IGSF3: variants seen among roughly 807,000 people sequenced by gnomAD.
IGSF3 encodes the protein glu-Trp-Ile EWI motif-containing protein 3.
A neutral mutation model predicts 114.4 loss-of-function variants in IGSF3; 23 were observed. The ratio of observed to expected loss-of-function variants is 0.20; its 90% confidence interval spans 0.14 to 0.28. The LOEUF is 0.28. Among genes scored for constraint, IGSF3 ranks in the 10% least tolerant of loss-of-function variants. IGSF3 has a pLI of 1.00. For synonymous variants in IGSF3, 571 were observed against 645.2 expected (o/e 0.88, Z 1.74); for missense variants, 1,172 against 1,591.5 (o/e 0.74, Z 4.48).
rs1337005156 is a variant in IGSF3 at position 116,644,804 on chromosome 1, A to G, written c.43+21480T>C. ...AAATTCCTGTGAAAAGGACAGGCTC[A>G]GGGCATGTGAATGTGATAGTCAGCA... On this transcript the variant is annotated intron_variant, in intron 2 of 10. Transcript: ENST00000369486. The surrounding 1 kb of genome is among the most constrained non-coding windows in gnomAD (Gnocchi z 5.6). Among the ~76,000 whole-genome samples the G allele has an allele frequency of 2.0e-5, 3 of 152,246 alleles. No homozygotes were observed. Among genetic ancestry groups the G allele is most frequent in the Non-Finnish European group, 4.4e-5 (3 of 68,052 alleles).
At chr1:116,658,580 G>C (rs765394534) in intron 2 of IGSF3, among the ~76,000 whole-genome samples, 1 of 152,026 alleles carries the variant, frequency 6.6e-6, no homozygotes, top group African/African-American at 2.4e-5. Context: ...ACACCCTTAG[G>C]GTTCCCATCC....
rs1647319424 is a variant in IGSF3, at chr1:116,627,035, A to C, written c.44-10578T>G. Among the ~76,000 whole-genome samples, 2 of 152,224 alleles carry C rather than the reference A, an allele frequency of 1.3e-5. No homozygotes were observed. The highest frequency in any genetic ancestry group is 2.9e-5 in the Non-Finnish European group (2 of 68,028). On this transcript the variant is annotated intron_variant, in intron 2 of 10. Transcript: ENST00000369486. The surrounding 1 kb of genome is among the most constrained non-coding windows in gnomAD (Gnocchi z 4.7). ...TAGAGGGGAAAAAAATTAAAAGGCA[A>C]GATCAGATTACTTGCCTGTAAATGT...
Position 116,606,604 on chromosome 1 carries a change from G to A in IGSF3, c.1222+1338C>T, listed in dbSNP as rs1301148657. ...ATCATCAAACAAGTTCTCAGAAGGG[G>A]TTGGGGGAAATCTTAGTACAAAAAA... On this transcript the variant is annotated intron_variant, in intron 5 of 10. Coordinates refer to ENST00000369486, the MANE Select transcript of IGSF3 (RefSeq NM_001007237.3). 2.7e-5 allele frequency: 20 copies of A among 751,688 alleles called. 2 individuals carry two copies. The highest frequency in any genetic ancestry group is 3.2e-5 in the Non-Finnish European group (13 of 407,622). 46.6% of individuals were successfully genotyped at this position (751,688 alleles called of 1,614,324 possible).
intron 2 of IGSF3, among the ~76,000 whole-genome samples, chr1:116,658,926 G>A (rs1449267857): frequency 1.3e-5 from 2 of 152,202 alleles, no homozygotes; most frequent in African/African-American, 4.8e-5. Context: ...GGCAGGGACG[G>A]GTGGTGTTCG....
intron 2 of IGSF3, chr1:116,617,441 A>G (rs1661266404): frequency 4.8e-6 from 4 of 837,216 alleles, no homozygotes; most frequent in Non-Finnish European, 5.8e-6. Flanking sequence ...AGCGCAGGTG[A>G]GTTACAGGCG....
Position 116,603,378 on chromosome 1 carries a change from G to A in IGSF3, c.1624+246C>T, listed in dbSNP as rs888848888. On this transcript the variant is annotated intron_variant, in intron 6 of 10. Coordinates refer to ENST00000369486, the MANE Select transcript of IGSF3 (RefSeq NM_001007237.3). This position sits in a 1 kb window ranked among gnomAD's most constrained non-coding sequence, Gnocchi z 7.1. ...AGACTAGGAGTAGTCACAGCTCCCAGCTATTGCTATCCCTCAGGAGCCCCA... is the reference window on the plus strand; with the variant it reads ...AGACTAGGAGTAGTCACAGCTCCCAACTATTGCTATCCCTCAGGAGCCCCA... Among the ~76,000 whole-genome samples the A allele has an allele frequency of 7.9e-5, 12 of 152,176 alleles. No individual in the cohort carries two copies. Among genetic ancestry groups the A allele is most frequent in the African/African-American group, 2.9e-4 (12 of 41,426 alleles).
chr1:116,660,776 G>T (rs1215364326), intron 2 of IGSF3, among the ~76,000 whole-genome samples: 1 of 152,162 alleles, frequency 6.6e-6, no homozygotes, highest in African/African-American at 2.4e-5. Flanking sequence ...CTCAGATGGG[G>T]TCTATAGGCT....
At chr1:116,578,641 A>C (rs114783737) in intron 10 of IGSF3, among the ~76,000 whole-genome samples, 1,630 of 152,350 alleles carry the variant, frequency 0.011, 26 homozygotes, top group African/African-American at 0.037. Context: ...AGAAGTTAAA[A>C]ATTCCAGCAA....
chr1:116,619,333 G>C (rs573764645), intron 2 of IGSF3, among the ~76,000 whole-genome samples: 1 of 152,142 alleles, frequency 6.6e-6, no homozygotes, highest in Non-Finnish European at 1.5e-5. Flanking sequence ...GATCATGCAC[G>C]TCCTCCCCAC....
chr1:116,663,105 A>G (rs911190982), intron 2 of IGSF3, among the ~76,000 whole-genome samples: 4 of 152,220 alleles, frequency 2.6e-5, no homozygotes, highest in Admixed American at 1.3e-4. Context: ...TAACACTTTT[A>G]AAGCTATTTA....
In IGSF3 at chr1:116,579,693, C is replaced by G. The variant is rs1659517440; in HGVS notation, c.3033G>C (p.Glu1011Asp). ...RSSPGLEEQE[E>D]EREEEEEEDD... ...CCTCCTCCTCCTCCTCCTCCCTTTCCTCTTCCTGTTCTTCCAGGCCAGGGC... is the reference window on the plus strand; with the variant it reads ...CCTCCTCCTCCTCCTCCTCCCTTTCGTCTTCCTGTTCTTCCAGGCCAGGGC... The change falls in exon 10 of 11, where the codon GAG becomes GAC. Residue 1011 changes from glutamate (E) to aspartate (D), a missense_variant. This residue lies in a region of IGSF3 where 423 missense variants were observed against 509.8 expected (regional missense o/e 0.83). Transcript: ENST00000369486. This position sits in a 1 kb window ranked among gnomAD's most constrained non-coding sequence, Gnocchi z 6.4. 2 of 1,582,620 alleles carry G rather than the reference C, an allele frequency of 1.3e-6. No individual in the cohort carries two copies. Among genetic ancestry groups the G allele is most frequent in the South Asian group, 1.1e-5 (1 of 90,444 alleles).
chr1:116,601,975 C>G (rs541011737), intron 6 of IGSF3, among the ~76,000 whole-genome samples: 1 of 152,212 alleles, frequency 6.6e-6, no homozygotes, highest in Non-Finnish European at 1.5e-5. Context: ...CTGCTCTAAC[C>G]GAACAGCCAT....
At position 116,584,198 on chromosome 1, in the gene IGSF3, A is replaced by G. The variant is rs1659718161; in HGVS notation, c.2848+447T>C. On this transcript the variant is annotated intron_variant, in intron 9 of 10. Transcript: ENST00000369486. The surrounding 1 kb of genome is among the most constrained non-coding windows in gnomAD (Gnocchi z 5.8). The stretch of plus-strand genomic sequence containing the variant: ...GTGACAGAGTGAGACTCCGTTTCAA[A>G]AAAAAAAAAGTATTGGGAAGTGACA... Among the ~76,000 whole-genome samples, 1 of 151,262 alleles carries G rather than the reference A, an allele frequency of 6.6e-6. No individual in the cohort carries two copies. Among genetic ancestry groups the G allele is most frequent in the Admixed American group, 6.6e-5 (1 of 15,186 alleles).
intron 6 of IGSF3, among the ~76,000 whole-genome samples, chr1:116,602,773 T>C (rs1660643178): frequency 1.3e-5 from 2 of 152,230 alleles, no homozygotes; most frequent in African/African-American, 4.8e-5. Flanking sequence ...AGACCTGATA[T>C]AACAAGTTTC....
At position 116,612,632 on chromosome 1, in the gene IGSF3, C is replaced by A. The variant is rs536668115; in HGVS notation, c.832+1133G>T. ...GAACAGGGAGCCCAAGAGACAGGTC[C>A]TGACGAAGGACCCCACCTGTACTGC... is the stretch of plus-strand genomic sequence containing the variant. On this transcript the variant is annotated intron_variant, in intron 4 of 10. Coordinates refer to ENST00000369486, the MANE Select transcript of IGSF3 (RefSeq NM_001007237.3). The surrounding 1 kb of genome is among the most constrained non-coding windows in gnomAD (Gnocchi z 4.1). 6.6e-6 allele frequency among the ~76,000 whole-genome samples: 1 copy of A among 152,366 alleles called. No homozygotes were observed. The highest frequency in any genetic ancestry group is 2.1e-4 in the South Asian group (1 of 4,834).
At chr1:116,626,104 T>A (rs4839074) in intron 2 of IGSF3, among the ~76,000 whole-genome samples, 1,641 of 152,374 alleles carry the variant, frequency 0.011, 88 homozygotes, top group Admixed American at 0.098. Flanking sequence ...TGCTACTATT[T>A]ACTTAGATTA....
At chr1:116,580,318 G>A (rs543061364) in intron 9 of IGSF3, among the ~76,000 whole-genome samples, 4 of 152,324 alleles carry the variant, frequency 2.6e-5, no homozygotes, top group South Asian at 4.1e-4. Context: ...CTTTGCAGAC[G>A]TAATTAGCAA....
rs1260192901 is a variant in IGSF3 at position 116,592,596 on chromosome 1, G to C, written c.2030-3492C>G. Among the ~76,000 whole-genome samples the C allele has an allele frequency of 6.6e-6, 1 of 152,128 alleles. No homozygotes were observed. Among genetic ancestry groups the C allele is most frequent in the Non-Finnish European group, 1.5e-5 (1 of 68,016 alleles). On this transcript the variant is annotated intron_variant, in intron 7 of 10. Coordinates refer to ENST00000369486, the MANE Select transcript of IGSF3 (RefSeq NM_001007237.3). This position sits in a 1 kb window ranked among gnomAD's most constrained non-coding sequence, Gnocchi z 4.5. ...GACATCAGGAAGAGGGAAGAACTTC[G>C]CAGCGGAGACCAGCAGCAGCTTTCT...
rs374378238 is a variant in IGSF3, at chr1:116,662,134, G to C, written c.43+4150C>G. 6.6e-6 allele frequency among the ~76,000 whole-genome samples: 1 copy of C among 151,828 alleles called. No individual in the cohort carries two copies. The highest frequency in any genetic ancestry group is 1.9e-4 in the East Asian group (1 of 5,160). On this transcript the variant is annotated intron_variant, in intron 2 of 10. Transcript: ENST00000369486. The surrounding 1 kb of genome is among the most constrained non-coding windows in gnomAD (Gnocchi z 4.3). Reference sequence around the variant, plus strand: ...TGCCCAGGCTGGAGTGCAACGGCGCGATCTCGGCTCACTGCAACCTCTGCC... The same window carrying C: ...TGCCCAGGCTGGAGTGCAACGGCGCCATCTCGGCTCACTGCAACCTCTGCC...
Sources: allele counts gnomAD v4.1 joint callset (sites outside exome capture counted in the v4.1 genomes callset), GRCh38; gene constraint gnomAD v4.1.1; regional missense constraint gnomAD v4.1.1; non-coding constraint Gnocchi (gnomAD v3.1); transcripts MANE v1.5; gene names NCBI Gene and HGNC (gene_info 2026-07-23, HGNC 2026-07-21).